The following FGF1 variants were observed in gnomAD, a reference collection of about 807,000 sequenced individuals.
FGF1 encodes fibroblast growth factor 1, also known as beta-endothelial cell growth factor.
Under a neutral mutation model 13.4 loss-of-function variants are expected in FGF1, and 9 were observed. That is an observed-to-expected ratio of 0.67 (90% CI 0.40 to 1.17). The LOEUF (loss-of-function observed/expected upper bound fraction) is 1.17, where lower values mean the gene tolerates loss of function less well. Ranked by LOEUF, FGF1 falls within the 50% of genes most tolerant of loss-of-function variation. The pLI is 0.01. For missense variants in FGF1, 156 were observed against 192.7 expected (o/e 0.81, Z 1.13); for synonymous variants, 93 against 79.0 (o/e 1.18, Z -0.94).
chr5:142,607,778 T>C (rs1017699495), intron 2 of FGF1, among the ~76,000 whole-genome samples: 2 of 152,168 alleles, frequency 1.3e-5, no homozygotes, highest in Admixed American at 6.5e-5. Flanking sequence ...CCTTTGTGGG[T>C]CATGGTCTTC....
intron 1 of FGF1, among the ~76,000 whole-genome samples, chr5:142,669,220 A>T (rs1281680758): frequency 6.6e-6 from 1 of 152,168 alleles, no homozygotes; most frequent in Non-Finnish European, 1.5e-5. Flanking sequence ...TGGAGAAGGG[A>T]ATTTGGAAAT....
chr5:142,668,816 G>A (rs1770918321), intron 1 of FGF1, among the ~76,000 whole-genome samples: 1 of 152,198 alleles, frequency 6.6e-6, no homozygotes, highest in Non-Finnish European at 1.5e-5. Flanking sequence ...GTCCTTGAAA[G>A]AAGGTGAGAA....
chr5:142,634,138 A>C (rs1207597049), intron 1 of FGF1, among the ~76,000 whole-genome samples: 1 of 148,088 alleles, frequency 6.8e-6, no homozygotes, highest in Admixed American at 6.8e-5. Context: ...GCTTGCAGTG[A>C]GCCGAGATCG....
At chr5:142,619,694 A>G (rs372712170) in intron 1 of FGF1, among the ~76,000 whole-genome samples, 46 of 152,172 alleles carry the variant, frequency 3.0e-4, no homozygotes, top group African/African-American at 7.5e-4. Flanking sequence ...TTAGCCGGGC[A>G]TGGTGGCGCA....
rs2278688 is a variant in FGF1, at chr5:142,594,517, C to G, written c.*773G>C. ...GCACTCCCACACTCAGTCCCCAGAT[C>G]CACATGAATTTCCCAGCTCTGATAT... On this transcript the variant is annotated 3_prime_UTR_variant, in exon 4 of 4. Transcript: ENST00000337706. 27,366 of 152,160 alleles carry G rather than the reference C, an allele frequency of 0.18. 3,143 individuals are homozygous for G. Among genetic ancestry groups the G allele is most frequent in the African/African-American group, 0.31 (12,997 of 41,462 alleles). The allele number at this position is 152,160 out of a possible 1,614,324, so 9.4% of individuals were successfully genotyped here.
At chr5:142,664,020 G>C (rs1288769306) in intron 1 of FGF1, among the ~76,000 whole-genome samples, 1 of 152,148 alleles carries the variant, frequency 6.6e-6, no homozygotes, top group African/African-American at 2.4e-5. Context: ...TTATGAACTA[G>C]GAAATCAATG....
intron 1 of FGF1, chr5:142,672,115 T>C (rs1049241900): frequency 2.0e-5 from 3 of 152,156 alleles, no homozygotes; most frequent in African/African-American, 7.2e-5. Context: ...CACACACATA[T>C]ATGTGCATAA....
At chr5:142,679,286 A>C (rs1773264509) in intron 1 of FGF1, among the ~76,000 whole-genome samples, 1 of 151,984 alleles carries the variant, frequency 6.6e-6, no homozygotes, top group East Asian at 1.9e-4. Context: ...ACCTTTGTGC[A>C]TGCTCCTCTC....
At chr5:142,644,423 C>A (rs1765680308) in intron 1 of FGF1, 1 of 152,178 alleles carries the variant, frequency 6.6e-6, no homozygotes, top group Non-Finnish European at 1.5e-5. Context: ...CCCGCCCCCT[C>A]ATTCCCCACC....
intron 2 of FGF1, among the ~76,000 whole-genome samples, chr5:142,608,133 C>T (rs893346886): frequency 1.3e-5 from 2 of 152,184 alleles, no homozygotes; most frequent in Non-Finnish European, 2.9e-5. Context: ...ATCTTCCTGT[C>T]CCATCCCAGG....
At chr5:142,632,253 GTTC>G (rs568616367) in intron 1 of FGF1, among the ~76,000 whole-genome samples, 2 of 152,334 alleles carry the variant, frequency 1.3e-5, no homozygotes, top group East Asian at 3.9e-4. Flanking sequence ...GAGAAGAGCA[GTTC>G]TTCTAGGGAA....
At chr5:142,634,192 CAAGA>C (rs1763876004) in intron 1 of FGF1, among the ~76,000 whole-genome samples, 4 of 53,368 alleles carry the variant, frequency 7.5e-5, no homozygotes, top group Non-Finnish European at 3.6e-5. Context: ...GACTCCATCT[CAAGA>C]AAAAAAAAAA....
At chr5:142,683,951 G>A (rs17223191) in intron 1 of FGF1, among the ~76,000 whole-genome samples, 2,422 of 151,904 alleles carry the variant, frequency 0.016, 30 homozygotes, top group Middle Eastern at 0.051. Flanking sequence ...ACCTAGGATG[G>A]ATGTGTTCCT....
chr5:142,611,843 C>A (rs7727653), intron 2 of FGF1, among the ~76,000 whole-genome samples: 14,703 of 152,140 alleles, frequency 0.097, 1,124 homozygotes, highest in African/African-American at 0.21. Flanking sequence ...AAAGAGGAGT[C>A]TGGAAGGTCC....
rs540005808 is a variant in FGF1 at position 142,673,763 on chromosome 5, G to A, written c.-35+12194C>T. On this transcript the variant is annotated intron_variant, in intron 1 of 3. Transcript: ENST00000337706. The stretch of plus-strand genomic sequence containing the variant: ...TGATTAGGGTCAGTTCTCCACTCAG[G>A]GGTCCACCTTCTTTATAGGAGAATA... Among the ~76,000 whole-genome samples the A allele has an allele frequency of 2.0e-5, 3 of 152,204 alleles. No individual in the cohort carries two copies. The South Asian group carries it at 6.2e-4, about 32-fold the overall frequency.
chr5:142,599,453 A>ATGTAAGTT (rs1258565080), intron 3 of FGF1, among the ~76,000 whole-genome samples: 1 of 152,132 alleles, frequency 6.6e-6, no homozygotes, highest in Non-Finnish European at 1.5e-5. Flanking sequence ...TGGCAATTCG[A>ATGTAAGTT]TGTAAGTTGA....
intron 1 of FGF1, among the ~76,000 whole-genome samples, chr5:142,683,770 G>A (rs1222743264): frequency 6.5e-5 from 9 of 137,590 alleles, no homozygotes; most frequent in Admixed American, 3.2e-4. Flanking sequence ...GCAGTGAGCC[G>A]AGATTGTGCC....
intron 1 of FGF1, among the ~76,000 whole-genome samples, chr5:142,663,208 C>T (rs1447226160): frequency 2.0e-5 from 3 of 146,724 alleles, no homozygotes; most frequent in Admixed American, 6.9e-5. Flanking sequence ...AAAAAGATTC[C>T]GAAGGACAGA....
At chr5:142,650,172 G>GGAGTAAGGGCGTGCAGGGGGAGGGATGGA (rs1766968607) in intron 1 of FGF1, among the ~76,000 whole-genome samples, 1 of 152,220 alleles carries the variant, frequency 6.6e-6, no homozygotes, top group African/African-American at 2.4e-5. Context: ...AGGGGAAAGT[G>GGAGTAAGGGCGTGCAGGGGGAGGGATGGA]GAGTAAGGGC....
Sources: allele counts gnomAD v4.1 joint callset (sites outside exome capture counted in the v4.1 genomes callset), GRCh38; gene constraint gnomAD v4.1.1; transcripts MANE v1.5; gene names NCBI Gene and HGNC (gene_info 2026-07-23, HGNC 2026-07-21).